Variants in TECPR1 observed in about 807,000 individuals in gnomAD.
TECPR1 encodes the protein tectonin beta-propeller repeat containing 1.
A neutral mutation model predicts 162.4 loss-of-function variants in TECPR1; 122 were observed. The ratio of observed to expected loss-of-function variants is 0.75; its 90% CI spans 0.65 to 0.87. The LOEUF (loss-of-function observed/expected upper bound fraction) is 0.87. Among genes scored for constraint, TECPR1 ranks in the 40% least tolerant of loss-of-function variants. The probability of loss-of-function intolerance (pLI) is 0.00; values close to 1 mark genes in which losing one functional copy is unlikely to be tolerated. For missense variants in TECPR1, 1,432 were observed against 1,618.2 expected (o/e 0.88, Z 1.97); for synonymous variants, 642 against 670.6 (o/e 0.96, Z 0.66).
chr7:98,217,686 G>C lies in TECPR1; in HGVS notation c.3384+6C>G. 2 of 1,537,138 alleles carry C rather than the reference G, an allele frequency of 1.3e-6. No homozygotes were observed. The highest frequency in any genetic ancestry group is 1.8e-6 in the Non-Finnish European group (2 of 1,139,596). Reference sequence around the variant, plus strand: ...AACACAGCCCAAGGCCGCGGGCCCCGCTCACCCCGATGCCGTAGTCCCAGC... The same window carrying C: ...AACACAGCCCAAGGCCGCGGGCCCCCCTCACCCCGATGCCGTAGTCCCAGC... On this transcript the variant is annotated splice_donor_region_variant and intron_variant, in intron 25 of 25. Transcript: ENST00000447648.
At position 98,232,747 on chromosome 7, in the gene TECPR1, G is replaced by C. The variant is rs1798476947; in HGVS notation, c.1818+80C>G. ...TGGAGGCATCTATCTGTTTCTCTCAGAGCTGGTACACAGCAGGCGCTCAAT... is the reference window on the plus strand; with the variant it reads ...TGGAGGCATCTATCTGTTTCTCTCACAGCTGGTACACAGCAGGCGCTCAAT... On this transcript the variant is annotated intron_variant, in intron 12 of 25. Coordinates refer to ENST00000447648, the MANE Select transcript of TECPR1 (RefSeq NM_015395.3). The surrounding 1 kb of genome is among the most constrained non-coding windows in gnomAD (Gnocchi z 4.6). 2.8e-6 allele frequency: 4 copies of C among 1,449,612 alleles called. No homozygotes were observed. Among genetic ancestry groups the C allele is most frequent in the Non-Finnish European group, 3.6e-6 (4 of 1,098,636 alleles). The allele number at this position is 1,449,612 out of a possible 1,614,324, so 89.8% of individuals were successfully genotyped here.
At chr7:98,217,671 A>C in intron 25 of TECPR1, 21 bp downstream of exon 25, 1 of 1,529,584 alleles carries the variant, frequency 6.5e-7, no homozygotes, top group East Asian at 2.5e-5. Flanking sequence ...AACACAGCCC[A>C]AGGCCGCGGG....
Position 98,224,795 on chromosome 7 carries a change from G to T in TECPR1, c.2690+6C>A. ...GCCCGAAGGCCCTGTGCAGGGAGAG[G>T]CTTACGCAGGGAAGTCGCTGGCATA... On this transcript the variant is annotated splice_donor_region_variant and intron_variant, in intron 19 of 25. Transcript: ENST00000447648. 6.3e-7 allele frequency: 1 copy of T among 1,577,516 alleles called. No individual in the cohort carries two copies. The highest frequency in any genetic ancestry group is 1.8e-5 in the Admixed American group (1 of 54,446).
At chr7:98,223,271 G>A (rs955758506) in intron 20 of TECPR1, 101 bp from the exon 21 acceptor site, 30 of 1,271,730 alleles carry the variant, frequency 2.4e-5, no homozygotes, top group Non-Finnish European at 3.1e-5. Flanking sequence ...AGCCAACCCC[G>A]GGGCGGGTAG....
At chr7:98,221,835 C>G in intron 22 of TECPR1, 82 bp from the exon 23 acceptor site, 1 of 1,118,662 alleles carries the variant, frequency 8.9e-7, no homozygotes, top group African/African-American at 1.6e-5. Flanking sequence ...CGGTCCCCAG[C>G]TGCCTCTCGG....
intron 2 of TECPR1, among the ~76,000 whole-genome samples, chr7:98,247,381 TCCTCCCATCTCGG>T (rs1208409971): frequency 6.6e-6 from 1 of 151,950 alleles, no homozygotes; most frequent in African/African-American, 2.4e-5. Flanking sequence ...TCTCAAGCAA[TCCTCCCATCTCGG>T]CCTCCCAAAC....
rs1420913442 is a variant in TECPR1 at position 98,217,291 on chromosome 7, G to C, written c.*99C>G. 1 of 821,816 alleles carries C rather than the reference G, an allele frequency of 1.2e-6. No homozygotes were observed. Among genetic ancestry groups the C allele is most frequent in the African/African-American group, 1.7e-5 (1 of 58,016 alleles). 50.9% of individuals were successfully genotyped at this position (821,816 alleles called of 1,614,324 possible). Reference sequence around the variant, plus strand: ...CAGGTTCCCTCCTGAGTCCACCTGGGCCACATTGCTCCCACGGTGCACACT... The same window carrying C: ...CAGGTTCCCTCCTGAGTCCACCTGGCCCACATTGCTCCCACGGTGCACACT... On this transcript the variant is annotated 3_prime_UTR_variant, in exon 26 of 26. Coordinates refer to ENST00000447648, the MANE Select transcript of TECPR1 (RefSeq NM_015395.3).
rs781482518 is a variant in TECPR1 at position 98,244,862 on chromosome 7, T to A, written c.408+23A>T. On this transcript the variant is annotated intron_variant, in intron 4 of 25. Transcript: ENST00000447648. ...GCACCCCCTCCCCACAGGGCAGTCA[T>A]GGAGGGTCCCAAGTTCACCTACCCC... The A allele has an allele frequency of 1.3e-5, 21 of 1,612,260 alleles. No individual in the cohort carries two copies. In the East Asian group the frequency reaches 4.7e-4, roughly 36 times the overall value.
At chr7:98,243,349 G>T in intron 6 of TECPR1, 118 bp downstream of exon 6, 2 of 1,392,700 alleles carry the variant, frequency 1.4e-6, no homozygotes, top group South Asian at 1.4e-5. Context: ...GCCAGGAGCA[G>T]GCATGGGGTG....
intron 10 of TECPR1, 103 bp downstream of exon 10, chr7:98,236,673 T>C (rs1198051289): frequency 6.9e-7 from 1 of 1,459,274 alleles, no homozygotes; most frequent in African/African-American, 1.4e-5. Flanking sequence ...GGACAAGTCC[T>C]GGGACCCAGT....
At chr7:98,249,350 G>A (rs1196004770) in intron 2 of TECPR1, among the ~76,000 whole-genome samples, 1 of 152,142 alleles carries the variant, frequency 6.6e-6, no homozygotes, top group Non-Finnish European at 1.5e-5. Flanking sequence ...GCAGAATGGA[G>A]GAAGCCCGGG....
chr7:98,248,500 A>G (rs1798969887), intron 2 of TECPR1, among the ~76,000 whole-genome samples: 1 of 143,040 alleles, frequency 7.0e-6, no homozygotes, highest in African/African-American at 2.6e-5. Context: ...ACGAGATAGA[A>G]GCATGTCTGA....
At chr7:98,234,698 T>C (rs533214430) in intron 10 of TECPR1, among the ~76,000 whole-genome samples, 23 of 144,884 alleles carry the variant, frequency 1.6e-4, no homozygotes, top group African/African-American at 5.8e-4. Flanking sequence ...CTAGCATTTG[T>C]TATTGTCTTT....
At chr7:98,242,475 C>T (rs1443917852) in intron 6 of TECPR1, among the ~76,000 whole-genome samples, 1 of 150,582 alleles carries the variant, frequency 6.6e-6, no homozygotes, top group Non-Finnish European at 1.5e-5. Flanking sequence ...ACCTTCCATC[C>T]ATCCACACAT....
intron 16 of TECPR1, 150 bp downstream of exon 16, chr7:98,228,889 G>C: frequency 8.6e-7 from 1 of 1,163,634 alleles, no homozygotes; most frequent in Non-Finnish European, 1.2e-6. Flanking sequence ...CCTGGGTGGA[G>C]GCTGGCAGTG....
In TECPR1 at chr7:98,241,454, C is replaced by T. The variant is rs1434232352; in HGVS notation, c.658-210G>A. Among the ~76,000 whole-genome samples, 1 of 152,128 alleles carries T rather than the reference C, an allele frequency of 6.6e-6. No individual in the cohort carries two copies. Among genetic ancestry groups the T allele is most frequent in the Admixed American group, 6.5e-5 (1 of 15,280 alleles). On this transcript the variant is annotated intron_variant, in intron 6 of 25. Coordinates refer to ENST00000447648, the MANE Select transcript of TECPR1 (RefSeq NM_015395.3). The surrounding 1 kb of genome is among the most constrained non-coding windows in gnomAD (Gnocchi z 5.0). ...CCATTCATCTGTTTGGGGTGATGCC[C>T]CCAACCCAGCCCACTCATGGACACC...
intron 17 of TECPR1, chr7:98,226,679 T>TGTAA (rs1169646567): frequency 8.4e-7 from 1 of 1,188,222 alleles, no homozygotes; most frequent in Non-Finnish European, 1.1e-6. Context: ...TGATGATGCC[T>TGTAA]GTAATCTCAA....
intron 2 of TECPR1, 122 bp from the exon 3 acceptor site, chr7:98,246,287 G>A: frequency 1.8e-6 from 1 of 565,230 alleles, no homozygotes; most frequent in Non-Finnish European, 3.0e-6. Context: ...TTTTTTTTTA[G>A]ATGGAGTCTC....
At chr7:98,245,832 G>A in intron 3 of TECPR1, 90 bp downstream of exon 3, 2 of 1,187,490 alleles carry the variant, frequency 1.7e-6, no homozygotes, top group South Asian at 1.4e-5. Flanking sequence ...GGGGAATCTG[G>A]GGCCTCTATT....
Sources: gnomAD v4.1 joint callset for allele counts (sites outside exome capture counted in the v4.1 genomes callset) on GRCh38, gnomAD v4.1.1 for gene constraint, Gnocchi (gnomAD v3.1) non-coding constraint, MANE v1.5 for transcripts, NCBI Gene and HGNC (gene_info 2026-07-23, HGNC 2026-07-21) for gene names.